The following RIMS2 variants were observed in gnomAD, a reference collection of about 807,000 sequenced individuals.
RIMS2 encodes regulating synaptic membrane exocytosis 2, also known as regulating synaptic membrane exocytosis protein 2.
In RIMS2, 59 loss-of-function variants were observed where a neutral mutation model predicts 174.4. That is an observed-to-expected ratio of 0.34 (90% confidence interval 0.27 to 0.42). The LOEUF (loss-of-function observed/expected upper bound fraction) is 0.42. RIMS2 is among the 10% of genes least tolerant of loss of function. The pLI is 1.00. For missense variants in RIMS2, 1,620 were observed against 1,666.3 expected (o/e 0.97, Z 0.48); for synonymous variants, 606 against 572.5 (o/e 1.06, Z -0.84).
chr8:103,985,079 C>T (rs750312738), intron 16 of RIMS2, among the ~76,000 whole-genome samples: 3 of 151,984 alleles, frequency 2.0e-5, no homozygotes, highest in Admixed American at 1.3e-4. Flanking sequence ...CAATGGTTAA[C>T]GGGTACAAAT....
At chr8:103,783,765 T>C (rs2098415204) in intron 3 of RIMS2, among the ~76,000 whole-genome samples, 1 of 150,516 alleles carries the variant, frequency 6.6e-6, no homozygotes, top group Non-Finnish European at 1.5e-5. Context: ...TGATTTATAG[T>C]CCTTTGGGTA....
In RIMS2 at chr8:104,109,134, A is replaced by G. The variant is rs147662342; in HGVS notation, c.3334+94519A>G. On this transcript the variant is annotated intron_variant, in intron 19 of 23. Coordinates refer to ENST00000504942, the Ensembl canonical transcript of RIMS2. Reference sequence around the variant, plus strand: ...AACATGGTGAAACCCTGTCTCTACTAAAAATACAAAAAATTAGCCGGGCGT... The same window carrying G: ...AACATGGTGAAACCCTGTCTCTACTGAAAATACAAAAAATTAGCCGGGCGT... Among the ~76,000 whole-genome samples the G allele has an allele frequency of 8.3e-3, 1,265 of 151,788 alleles. 23 individuals carry two copies. Among genetic ancestry groups the G allele is most frequent in the African/African-American group, 0.029 (1,205 of 41,346 alleles).
chr8:103,596,665 T>C (rs940460093), intron 1 of RIMS2, among the ~76,000 whole-genome samples: 47 of 152,048 alleles, frequency 3.1e-4, no homozygotes, highest in African/African-American at 1.1e-3. Flanking sequence ...CTTGTACATG[T>C]GCAATTATTA....
At chr8:103,868,585 AT>A (rs1458146134) in intron 3 of RIMS2, among the ~76,000 whole-genome samples, 2 of 152,142 alleles carry the variant, frequency 1.3e-5, no homozygotes, top group Non-Finnish European at 2.9e-5. Flanking sequence ...ATGTGTTAAG[AT>A]TAAACATACT....
At chr8:103,728,745 C>CTTTTTTTTTTTTTTTTTTTTTTTT (rs1311572866) in intron 2 of RIMS2, among the ~76,000 whole-genome samples, 1 of 68,150 alleles carries the variant, frequency 1.5e-5, no homozygotes, top group African/African-American at 7.8e-5. Flanking sequence ...AGGTATGCTC[C>CTTTTTTTTTTTTTTTTTTTTTTTT]TTCTTTTTTT....
chr8:104,009,038 A>G (rs902691050), intron 17 of RIMS2, among the ~76,000 whole-genome samples: 1 of 152,058 alleles, frequency 6.6e-6, no homozygotes, highest in Admixed American at 6.6e-5. Flanking sequence ...ATAATGAGCT[A>G]GAATTTTTAA....
At chr8:103,854,917 A>G (rs1174163011) in intron 3 of RIMS2, among the ~76,000 whole-genome samples, 1 of 151,766 alleles carries the variant, frequency 6.6e-6, no homozygotes, top group Non-Finnish European at 1.5e-5. Context: ...TCTTTGTAAT[A>G]TTTTCATTAG....
At chr8:103,811,405 A>G (rs1479156529) in intron 3 of RIMS2, among the ~76,000 whole-genome samples, 1 of 152,088 alleles carries the variant, frequency 6.6e-6, no homozygotes, top group Non-Finnish European at 1.5e-5. Context: ...AACAAGAAAT[A>G]TATTTCTGCT....
At chr8:104,091,758 G>A (rs1464550497) in intron 19 of RIMS2, among the ~76,000 whole-genome samples, 1 of 150,920 alleles carries the variant, frequency 6.6e-6, no homozygotes, top group African/African-American at 2.4e-5. Flanking sequence ...CAAAATGTTT[G>A]GTATTTTAAA....
intron 19 of RIMS2, among the ~76,000 whole-genome samples, chr8:104,215,330 A>G (rs1418608700): frequency 3.3e-5 from 5 of 152,196 alleles, no homozygotes; most frequent in Non-Finnish European, 7.4e-5. Flanking sequence ...AACAAGTAAG[A>G]ATTAGACTTT....
At chr8:103,612,931 C>A (rs974511219) in intron 1 of RIMS2, among the ~76,000 whole-genome samples, 2 of 152,218 alleles carry the variant, frequency 1.3e-5, no homozygotes, top group Non-Finnish European at 2.9e-5. Flanking sequence ...TGTGCTGAGC[C>A]ACCTGGAACT....
At chr8:103,757,695 T>C (rs2098042948) in intron 2 of RIMS2, among the ~76,000 whole-genome samples, 1 of 152,176 alleles carries the variant, frequency 6.6e-6, no homozygotes, top group South Asian at 2.1e-4. Context: ...GTAAAGATCT[T>C]GAGATAGGGA....
At chr8:104,109,314 A>T (rs976309677) in intron 19 of RIMS2, among the ~76,000 whole-genome samples, 12 of 151,364 alleles carry the variant, frequency 7.9e-5, no homozygotes, top group African/African-American at 2.9e-4. Flanking sequence ...AAAAAAAAAA[A>T]AAAGAAATAA....
intron 2 of RIMS2, among the ~76,000 whole-genome samples, chr8:103,717,136 TTC>T (rs1438592530): frequency 8.9e-6 from 1 of 112,528 alleles, no homozygotes; most frequent in East Asian, 2.9e-4. Context: ...AAATAGTGCC[TTC>T]TTTTTTTTTT....
chr8:104,146,564 C>T (rs2098641584), intron 19 of RIMS2, among the ~76,000 whole-genome samples: 1 of 152,080 alleles, frequency 6.6e-6, no homozygotes, highest in Non-Finnish European at 1.5e-5. Context: ...TGGTCAAGTT[C>T]TTTATGGCCT....
intron 19 of RIMS2, among the ~76,000 whole-genome samples, chr8:104,145,476 C>A (rs2133817893): frequency 6.6e-6 from 1 of 151,562 alleles, no homozygotes; most frequent in South Asian, 2.1e-4. Flanking sequence ...TAAATCAAGA[C>A]TCCCAAAACT....
chr8:103,531,525 G>A (rs946109028), intron 1 of RIMS2, among the ~76,000 whole-genome samples: 5 of 152,148 alleles, frequency 3.3e-5, no homozygotes, highest in Non-Finnish European at 4.4e-5. Flanking sequence ...GGAGCTCTGC[G>A]TGCCCACACC....
intron 1 of RIMS2, among the ~76,000 whole-genome samples, chr8:103,514,956 A>C (rs1366877881): frequency 6.6e-6 from 1 of 152,024 alleles, no homozygotes; most frequent in African/African-American, 2.4e-5. Flanking sequence ...CACACAAAAC[A>C]AAAAACTTCA....
chr8:104,049,807 T>C (rs539809866), intron 19 of RIMS2, among the ~76,000 whole-genome samples: 10 of 152,368 alleles, frequency 6.6e-5, no homozygotes, highest in South Asian at 2.1e-4. Flanking sequence ...CATTTAGGAT[T>C]GAAGAGTTGT....
Sources: allele counts gnomAD v4.1 joint callset (sites outside exome capture counted in the v4.1 genomes callset), GRCh38; gene constraint gnomAD v4.1.1; transcripts MANE v1.5; gene names NCBI Gene and HGNC (gene_info 2026-07-23, HGNC 2026-07-21).